The following ATRNL1 variants were observed in gnomAD, a reference collection of about 807,000 sequenced individuals.
The protein encoded by ATRNL1 is attractin-like protein 1.
A neutral mutation model predicts 182.7 loss-of-function variants in ATRNL1; 95 were observed. That is an observed-to-expected ratio of 0.52 (90% CI 0.44 to 0.62). The LOEUF is 0.62. Among genes scored for constraint, ATRNL1 ranks in the 20% least tolerant of loss-of-function variants. The pLI, the probability that ATRNL1 is intolerant of heterozygous loss-of-function variation, is 0.00. For synonymous variants in ATRNL1, 576 were observed against 568.3 expected (o/e 1.01, Z -0.19); for missense variants, 1,471 against 1,679.5 (o/e 0.88, Z 2.17).
chr10:115,622,709 C>T (rs1289637306), intron 26 of ATRNL1, among the ~76,000 whole-genome samples: 3 of 152,080 alleles, frequency 2.0e-5, no homozygotes, highest in Non-Finnish European at 4.4e-5. Flanking sequence ...AGGTGGATCA[C>T]GAGGTCAGGA....
intron 26 of ATRNL1, among the ~76,000 whole-genome samples, chr10:115,565,697 T>C (rs1854032966): frequency 6.6e-6 from 1 of 152,130 alleles, no homozygotes. Flanking sequence ...CTATACTTGG[T>C]AAGTATTTTC....
intron 21 of ATRNL1, among the ~76,000 whole-genome samples, chr10:115,432,438 A>G (rs941375543): frequency 3.3e-5 from 5 of 152,160 alleles, no homozygotes; most frequent in Non-Finnish European, 7.4e-5. Context: ...TTAAAGCTTA[A>G]TATTTGAAAA....
intron 26 of ATRNL1, among the ~76,000 whole-genome samples, chr10:115,608,800 CCT>C (rs1857000410): frequency 6.6e-6 from 1 of 151,842 alleles, no homozygotes; most frequent in South Asian, 2.1e-4. Context: ...CTTTGGCATT[CCT>C]CTGTTTTCGC....
chr10:115,147,640 T>C (rs1010166418), intron 5 of ATRNL1, among the ~76,000 whole-genome samples: 1 of 152,136 alleles, frequency 6.6e-6, no homozygotes, highest in African/African-American at 2.4e-5. Context: ...TGAGTTTATT[T>C]TTGTATATGG....
chr10:115,281,339 T>C lies in ATRNL1; in HGVS notation c.2101-16T>C. On this transcript the variant is annotated splice_polypyrimidine_tract_variant and intron_variant, in intron 13 of 28. Transcript: ENST00000355044. The stretch of plus-strand genomic sequence containing the variant: ...TGTACAAAGGTGAAAAATAACATGC[T>C]CTTTTAATTTTGTAGTCTGTCAAGA... 1.2e-6 allele frequency: 2 copies of C among 1,604,746 alleles called. No homozygotes were observed. The highest frequency in any genetic ancestry group is 1.7e-6 in the Non-Finnish European group (2 of 1,175,820).
intron 19 of ATRNL1, among the ~76,000 whole-genome samples, chr10:115,366,564 A>G (rs1159066603): frequency 1.3e-5 from 2 of 150,476 alleles, no homozygotes; most frequent in East Asian, 2.0e-4. Context: ...TGTCATTATG[A>G]TGTTAGCTGG....
intron 8 of ATRNL1, among the ~76,000 whole-genome samples, chr10:115,208,455 T>C (rs1848889216): frequency 6.6e-6 from 1 of 152,126 alleles, no homozygotes; most frequent in Non-Finnish European, 1.5e-5. Flanking sequence ...TAAGGGGTGT[T>C]GGACTTTGTG....
At chr10:115,644,339 C>T (rs1337782713) in intron 26 of ATRNL1, among the ~76,000 whole-genome samples, 1 of 152,152 alleles carries the variant, frequency 6.6e-6, no homozygotes, top group East Asian at 1.9e-4. Context: ...AATGGCCAAC[C>T]TTACCTTAAC....
At chr10:115,623,628 AAGTG>A (rs1461388809) in intron 26 of ATRNL1, among the ~76,000 whole-genome samples, 2 of 152,186 alleles carry the variant, frequency 1.3e-5, no homozygotes, top group Non-Finnish European at 2.9e-5. Flanking sequence ...AGAAATAATG[AAGTG>A]AGTAACAAAA....
At chr10:115,470,527 C>A (rs1312043598) in intron 24 of ATRNL1, among the ~76,000 whole-genome samples, 6 of 150,322 alleles carry the variant, frequency 4.0e-5, no homozygotes, top group African/African-American at 1.5e-4. Context: ...GAAAAGGGTT[C>A]ATCTATAGCA....
At chr10:115,456,419 G>T (rs1847525247) in intron 21 of ATRNL1, among the ~76,000 whole-genome samples, 1 of 152,138 alleles carries the variant, frequency 6.6e-6, no homozygotes, top group South Asian at 2.1e-4. Flanking sequence ...TCACTCATAA[G>T]TGGGAGTTGA....
chr10:115,159,633 C>T (rs1172725500), intron 5 of ATRNL1, among the ~76,000 whole-genome samples: 1 of 151,112 alleles, frequency 6.6e-6, no homozygotes, highest in Admixed American at 6.6e-5. Context: ...TATTATAACC[C>T]TTGGTGGTAG....
At chr10:115,722,022 ATCTCGCATTAT>A (rs1404837803) in intron 26 of ATRNL1, among the ~76,000 whole-genome samples, 9 of 152,260 alleles carry the variant, frequency 5.9e-5, no homozygotes, top group African/African-American at 2.2e-4. Flanking sequence ...GTTTTATGGA[ATCTCGCATTAT>A]TAAAGGCCTT....
intron 8 of ATRNL1, among the ~76,000 whole-genome samples, chr10:115,199,535 G>T (rs1326452593): frequency 6.6e-6 from 1 of 152,020 alleles, no homozygotes; most frequent in African/African-American, 2.4e-5. Flanking sequence ...CTGCACTTCA[G>T]CCTGGCGACA....
rs146937943 is a variant in ATRNL1 at position 115,890,824 on chromosome 10, T to C, written c.4018+42833T>C. Among the ~76,000 whole-genome samples, 20 of 152,284 alleles carry C rather than the reference T, an allele frequency of 1.3e-4. No individual in the cohort carries two copies. In the East Asian group the frequency reaches 3.9e-3, roughly 29 times the overall value. On this transcript the variant is annotated intron_variant, in intron 28 of 28. Transcript: ENST00000355044. ...GTTTACAGGTTTGCTCGATGGCCTG[T>C]TTGCTTCTGTGCCAAATTAGTGTTG...
At chr10:115,260,673 G>GA (rs2133868788) in intron 10 of ATRNL1, among the ~76,000 whole-genome samples, 1 of 152,190 alleles carries the variant, frequency 6.6e-6, no homozygotes, top group East Asian at 1.9e-4. Context: ...AATCTTTATG[G>GA]ACAGAAGATG....
chr10:115,159,521 TA>T lies in ATRNL1; in HGVS notation c.830-511del, dbSNP rs529817612. 3.9e-3 allele frequency among the ~76,000 whole-genome samples: 588 copies of T among 151,370 alleles called. 3 individuals are homozygous for T. The highest frequency in any genetic ancestry group is 0.023 in the South Asian group (109 of 4,816). ...AAACTTTGGTTGTCCTTAATAATGC[TA>T]AAAAAAATGTAATCTTTTTTATGTT... On this transcript the variant is annotated intron_variant, in intron 5 of 28. Coordinates refer to ENST00000355044, the MANE Select transcript of ATRNL1 (RefSeq NM_207303.4).
intron 8 of ATRNL1, among the ~76,000 whole-genome samples, chr10:115,214,124 A>G (rs1310561811): frequency 2.6e-5 from 4 of 151,986 alleles, no homozygotes; most frequent in Non-Finnish European, 5.9e-5. Flanking sequence ...GTATACGAAA[A>G]TATTCAGAAC....
At chr10:115,715,350 TA>T (rs1555055966) in intron 26 of ATRNL1, among the ~76,000 whole-genome samples, 1 of 152,196 alleles carries the variant, frequency 6.6e-6, no homozygotes, top group Non-Finnish European at 1.5e-5. Flanking sequence ...GGGTATCATA[TA>T]CCTCTTGCCA....
Sources: allele counts gnomAD v4.1 joint callset (sites outside exome capture counted in the v4.1 genomes callset), GRCh38; gene constraint gnomAD v4.1.1; transcripts MANE v1.5; gene names NCBI Gene and HGNC (gene_info 2026-07-23, HGNC 2026-07-21).